The following AFF3 variants were observed in gnomAD, a reference collection of about 807,000 sequenced individuals.
AFF3 encodes the protein AF4/FMR2 family member 3.
Under a neutral mutation model 129.7 loss-of-function variants are expected in AFF3, and 32 were observed. That is an observed-to-expected ratio of 0.25 (90% CI 0.19 to 0.33). The LOEUF (loss-of-function observed/expected upper bound fraction) is 0.33, where lower values mean the gene tolerates loss of function less well. AFF3 is among the 10% of genes least tolerant of loss of function. The pLI is 1.00. For synonymous variants in AFF3, 644 were observed against 635.4 expected (o/e 1.01, Z -0.20); for missense variants, 1,373 against 1,592.0 (o/e 0.86, Z 2.34).
At chr2:99,675,289 A>C (rs1438297783) in intron 11 of AFF3, among the ~76,000 whole-genome samples, 1 of 152,208 alleles carries the variant, frequency 6.6e-6, no homozygotes, top group African/African-American at 2.4e-5. Flanking sequence ...GAAATATGAG[A>C]AAGTGGCCAT....
chr2:99,951,398 A>T (rs1301887800), intron 7 of AFF3, among the ~76,000 whole-genome samples: 1 of 152,132 alleles, frequency 6.6e-6, no homozygotes, highest in African/African-American at 2.4e-5. Context: ...CCTGCAATGC[A>T]AGCAGGTCTC....
intron 6 of AFF3, 32 bp downstream of exon 6, chr2:100,007,116 G>C: frequency 6.2e-7 from 1 of 1,606,304 alleles, no homozygotes; most frequent in Non-Finnish European, 8.5e-7. Flanking sequence ...TAGCAGATTT[G>C]TGCAAATCAA....
chr2:99,778,011 G>A (rs1054152684), intron 8 of AFF3, among the ~76,000 whole-genome samples: 2 of 147,714 alleles, frequency 1.4e-5, no homozygotes, highest in Non-Finnish European at 3.0e-5. Flanking sequence ...CAGTTCAAAT[G>A]GGCAATGTGC....
chr2:99,922,020 C>T (rs943730850), intron 7 of AFF3, among the ~76,000 whole-genome samples: 23 of 152,122 alleles, frequency 1.5e-4, no homozygotes, highest in African/African-American at 5.1e-4. Context: ...TACCAACACT[C>T]GCTCACTAGA....
At chr2:100,029,794 G>A (rs1293288141) in intron 4 of AFF3, among the ~76,000 whole-genome samples, 1 of 152,228 alleles carries the variant, frequency 6.6e-6, no homozygotes, top group Non-Finnish European at 1.5e-5. Context: ...GTTGGGCACA[G>A]TGGCTCATGC....
intron 8 of AFF3, among the ~76,000 whole-genome samples, chr2:99,755,147 G>A (rs1402423469): frequency 6.6e-6 from 1 of 152,018 alleles, no homozygotes; most frequent in Non-Finnish European, 1.5e-5. Flanking sequence ...CTCTTGCCAG[G>A]TGGTTTTGGA....
intron 7 of AFF3, among the ~76,000 whole-genome samples, chr2:99,870,226 A>C (rs1324323881): frequency 6.6e-6 from 1 of 152,182 alleles, no homozygotes; most frequent in Non-Finnish European, 1.5e-5. Flanking sequence ...GTCTGCAGTT[A>C]GCACCTTGTC....
intron 13 of AFF3, among the ~76,000 whole-genome samples, chr2:99,605,349 G>C (rs566692377): frequency 6.6e-6 from 1 of 152,282 alleles, no homozygotes; most frequent in East Asian, 1.9e-4. Flanking sequence ...ATGTTTCAAT[G>C]GTCCCGGTAG....
chr2:99,648,877 A>ACACG (rs1320439468), intron 13 of AFF3, among the ~76,000 whole-genome samples: 1 of 44,310 alleles, frequency 2.3e-5, no homozygotes, highest in African/African-American at 7.4e-5. Flanking sequence ...GTTCCTCAAA[A>ACACG]CACGCGCGCA....
intron 7 of AFF3, among the ~76,000 whole-genome samples, chr2:99,910,606 G>A (rs773168820): frequency 6.6e-5 from 10 of 152,210 alleles, no homozygotes; most frequent in South Asian, 2.1e-4. Context: ...GGACCAAAGT[G>A]TAAGGAAAAC....
chr2:99,905,475 C>T, intron 7 of AFF3, among the ~76,000 whole-genome samples: 1 of 152,170 alleles, frequency 6.6e-6, no homozygotes, highest in East Asian at 1.9e-4. Context: ...ACTATATCAT[C>T]AGCTACAGTT....
chr2:99,836,935 G>A (rs1688923921), intron 8 of AFF3, among the ~76,000 whole-genome samples: 1 of 152,150 alleles, frequency 6.6e-6, no homozygotes, highest in Non-Finnish European at 1.5e-5. Context: ...ATCTGGGCAC[G>A]AAACTGGTTC....
chr2:99,858,680 A>C (rs1690720852), intron 7 of AFF3, among the ~76,000 whole-genome samples: 1 of 152,212 alleles, frequency 6.6e-6, no homozygotes, highest in Admixed American at 6.5e-5. Context: ...GTTCTCACTT[A>C]TAAGTGGGAG....
intron 11 of AFF3, among the ~76,000 whole-genome samples, chr2:99,708,404 T>A (rs1020601244): frequency 1.3e-5 from 2 of 152,154 alleles, no homozygotes; most frequent in African/African-American, 4.8e-5. Context: ...GCATGTCACA[T>A]CCTTATATTA....
chr2:100,105,423 G>C, intron 3 of AFF3, 81 bp downstream of exon 3: 1 of 1,315,940 alleles, frequency 7.6e-7, no homozygotes, highest in Non-Finnish European at 1.0e-6. Flanking sequence ...TCTCCGTTGC[G>C]GTTTGGCCTC....
At chr2:99,965,963 A>G (rs1677701247) in intron 7 of AFF3, among the ~76,000 whole-genome samples, 1 of 152,218 alleles carries the variant, frequency 6.6e-6, no homozygotes, top group Non-Finnish European at 1.5e-5. Context: ...GAAATATACT[A>G]TACATGAGAT....
At chr2:100,090,646 G>A (rs1276672572) in intron 4 of AFF3, among the ~76,000 whole-genome samples, 2 of 151,952 alleles carry the variant, frequency 1.3e-5, no homozygotes, top group African/African-American at 4.8e-5. Flanking sequence ...TGTACCTGCT[G>A]GAGACCATTT....
At chr2:99,644,379 T>C (rs1324136145) in intron 13 of AFF3, among the ~76,000 whole-genome samples, 1 of 152,206 alleles carries the variant, frequency 6.6e-6, no homozygotes, top group Non-Finnish European at 1.5e-5. Flanking sequence ...CAAGCATAAT[T>C]TTTTGCAGCC....
intron 11 of AFF3, among the ~76,000 whole-genome samples, chr2:99,679,316 G>A (rs1293316718): frequency 6.6e-6 from 1 of 152,176 alleles, no homozygotes; most frequent in Non-Finnish European, 1.5e-5. Flanking sequence ...AACCTGGGGT[G>A]AAGGTGCACT....
Sources: gnomAD v4.1 joint callset for allele counts (sites outside exome capture counted in the v4.1 genomes callset) on GRCh38, gnomAD v4.1.1 for gene constraint, MANE v1.5 for transcripts, NCBI Gene and HGNC (gene_info 2026-07-23, HGNC 2026-07-21) for gene names.